Variants in JMJD1C observed in about 807,000 individuals in gnomAD.
The protein encoded by JMJD1C is jumonji domain containing 1C, also known as jumonji domain-containing protein 1C.
In JMJD1C, 31 loss-of-function variants were observed where a neutral mutation model predicts 245.3. The ratio of observed to expected loss-of-function variants is 0.13; its 90% confidence interval spans 0.09 to 0.17. The LOEUF (loss-of-function observed/expected upper bound fraction) is 0.17, where lower values mean the gene tolerates loss of function less well. Among genes scored for constraint, JMJD1C ranks in the 10% least tolerant of loss-of-function variants. The probability of loss-of-function intolerance (pLI) is 1.00; values close to 1 mark genes in which losing one functional copy is unlikely to be tolerated. For missense variants in JMJD1C, 2,691 were observed against 3,000.2 expected, an observed-to-expected ratio of 0.90 and a Z score of 2.41; for synonymous variants, 1,057 against 1,017.4, an observed-to-expected ratio of 1.04 and a Z score of -0.74.
intron 17 of JMJD1C, 95 bp from the exon 18 acceptor site, chr10:63,189,541 C>A: frequency 1.0e-6 from 1 of 968,372 alleles, no homozygotes; most frequent in East Asian, 2.5e-5. Context: ...AACAATATCC[C>A]TACACTCCAC....
intron 1 of JMJD1C, among the ~76,000 whole-genome samples, chr10:63,399,957 C>T (rs1461065561): frequency 6.6e-6 from 1 of 151,812 alleles, no homozygotes; most frequent in Non-Finnish European, 1.5e-5. Context: ...AAAGTAGAAA[C>T]ATAGATATAC....
chr10:63,217,253 G>A lies in JMJD1C; in HGVS notation c.632C>T (p.Thr211Ile), dbSNP rs1469720898. The A allele has an allele frequency of 5.6e-6, 9 of 1,611,638 alleles. No homozygotes were observed. The highest frequency in any genetic ancestry group is 7.6e-6 in the Non-Finnish European group (9 of 1,178,408). The change falls in exon 5 of 26, where the codon ACT (threonine) becomes ATT (isoleucine). Residue 211 changes from threonine to isoleucine, a missense_variant. Physicochemically the swap from Thr to Ile is moderately conservative, Grantham distance 89 (BLOSUM62 -1). This residue lies in a region of JMJD1C where 172 missense variants were observed against 240.8 expected (regional missense o/e 0.71). Coordinates refer to ENST00000399262, the MANE Select transcript of JMJD1C (RefSeq NM_032776.3). ...SATQWFTGII[T>I]HHDLFTRTMI... is the part of the protein sequence containing the mutation. ...GGTGCGGGTGAAGAGATCATGATGA[G>A]TAATTATGCCAGTAAACCACTGGGT...
chr10:63,189,363 T>G lies in JMJD1C; in HGVS notation c.6375A>C (p.Lys2125Asn), dbSNP rs1411060924. ...SVVENKIPPS[K>N]TSKINVKPEL... Reference sequence around the variant, plus strand: ...CTGGTTTTACATTTATCTTGGAGGTTTTACTTGGTGGAATTTTGTTTTCAA... The same window carrying G: ...CTGGTTTTACATTTATCTTGGAGGTGTTACTTGGTGGAATTTTGTTTTCAA... The change falls in exon 18 of 26, where the codon AAA becomes AAC. Residue 2125 changes from lysine (K) to asparagine (N), a missense_variant. This residue lies in a region of JMJD1C where 275 missense variants were observed against 285.5 expected (regional missense o/e 0.96). Coordinates refer to ENST00000399262, the MANE Select transcript of JMJD1C (RefSeq NM_032776.3). 6.2e-7 allele frequency: 1 copy of G among 1,613,864 alleles called. No individual in the cohort carries two copies. The highest frequency in any genetic ancestry group is 8.5e-7 in the Non-Finnish European group (1 of 1,179,900).
intron 1 of JMJD1C, among the ~76,000 whole-genome samples, chr10:63,384,366 C>A (rs7093339): frequency 6.6e-6 from 1 of 152,164 alleles, no homozygotes; most frequent in Non-Finnish European, 1.5e-5. Context: ...AGAGGAATCA[C>A]TATCTCTGGC....
At chr10:63,391,426 T>C (rs952271806) in intron 1 of JMJD1C, among the ~76,000 whole-genome samples, 1 of 151,830 alleles carries the variant, frequency 6.6e-6, no homozygotes, top group Non-Finnish European at 1.5e-5. Flanking sequence ...AGGAGAATGG[T>C]GTGAACTCGG....
chr10:63,217,276 G>C lies in JMJD1C; in HGVS notation c.609C>G (p.Thr203=), dbSNP rs779141014. 5.6e-6 allele frequency: 9 copies of C among 1,611,120 alleles called. No individual in the cohort carries two copies. The highest frequency in any genetic ancestry group is 7.6e-6 in the Non-Finnish European group (9 of 1,177,816). ...GAGTAATTATGCCAGTAAACCACTGGGTGGCAGAGTCTTGTCTATATACTC... is the reference window on the plus strand; with the variant it reads ...GAGTAATTATGCCAGTAAACCACTGCGTGGCAGAGTCTTGTCTATATACTC... ...RVRVYRQDSA[T]QWFTGIITHH... Residue 203 remains threonine, a synonymous_variant, in exon 5 of 26, where the codon ACC becomes ACG. Coordinates refer to ENST00000399262, the MANE Select transcript of JMJD1C (RefSeq NM_032776.3).
intron 2 of JMJD1C, among the ~76,000 whole-genome samples, chr10:63,317,546 C>T (rs1940245065): frequency 6.6e-6 from 1 of 152,144 alleles, no homozygotes; most frequent in Non-Finnish European, 1.5e-5. Flanking sequence ...TACACACACA[C>T]ACACACAATC....
At chr10:63,258,372 TG>T (rs1215241929) in intron 3 of JMJD1C, among the ~76,000 whole-genome samples, 1 of 152,230 alleles carries the variant, frequency 6.6e-6, no homozygotes, top group Non-Finnish European at 1.5e-5. Context: ...ATCAATTAGC[TG>T]CTTCTGATAT....
At chr10:63,448,023 T>C (rs2132987644) in intron 1 of JMJD1C, among the ~76,000 whole-genome samples, 1 of 152,300 alleles carries the variant, frequency 6.6e-6, no homozygotes, top group South Asian at 2.1e-4. Flanking sequence ...CCAAGGTTAT[T>C]GCTTTTGTCC....
chr10:63,197,105 G>A (rs994489039), intron 13 of JMJD1C, among the ~76,000 whole-genome samples: 2 of 151,906 alleles, frequency 1.3e-5, no homozygotes, highest in Non-Finnish European at 2.9e-5. Flanking sequence ...CACAGTGCCC[G>A]GCCCACACAC....
intron 2 of JMJD1C, among the ~76,000 whole-genome samples, chr10:63,269,639 T>C (rs1325719394): frequency 2.0e-5 from 3 of 152,188 alleles, no homozygotes; most frequent in Non-Finnish European, 4.4e-5. Context: ...AATAAATCAA[T>C]TTAAAATATT....
At chr10:63,365,848 GGT>G (rs2134394304) in intron 2 of JMJD1C, among the ~76,000 whole-genome samples, 1 of 152,284 alleles carries the variant, frequency 6.6e-6, no homozygotes, top group South Asian at 2.1e-4. Flanking sequence ...TATTGAAAGA[GGT>G]CTGGCTTCTG....
intron 12 of JMJD1C, 37 bp from the exon 13 acceptor site, chr10:63,197,600 C>T (rs771139341): frequency 6.8e-7 from 1 of 1,474,616 alleles, no homozygotes; most frequent in Non-Finnish European, 9.0e-7. Flanking sequence ...TAAAGGCAAA[C>T]ATGCTCTTTT....
At chr10:63,511,344 C>A (rs1245107979) in intron 1 of JMJD1C, among the ~76,000 whole-genome samples, 2 of 152,136 alleles carry the variant, frequency 1.3e-5, no homozygotes, top group Non-Finnish European at 2.9e-5. Context: ...ATACAGTTGA[C>A]CCTTAAACAA....
At position 63,209,053 on chromosome 10, in the gene JMJD1C, GT is replaced by G. The variant is rs1241054956; in HGVS notation, c.2867+9del. 4 of 1,597,956 alleles carry G rather than the reference GT, an allele frequency of 2.5e-6. No individual in the cohort carries two copies. The African/African-American group carries it at 5.4e-5, about 22-fold the overall frequency. ...AGGTATTTATAATTTTTAAGCACTG[GT>G]GAACTTACTCCTTATGATGATCTAC... On this transcript the variant is annotated intron_variant, in intron 9 of 25. Coordinates refer to ENST00000399262, the MANE Select transcript of JMJD1C (RefSeq NM_032776.3).
intron 1 of JMJD1C, among the ~76,000 whole-genome samples, chr10:63,413,658 A>G (rs1242712313): frequency 6.6e-6 from 1 of 152,236 alleles, no homozygotes; most frequent in South Asian, 2.1e-4. Flanking sequence ...AGATAATGAA[A>G]AAGTATTTTT....
Position 63,465,443 on chromosome 10 carries a change from G to GAGAGCC in JMJD1C, c.168+46_168+51dup, listed in dbSNP as rs1157735020. ...AGGGAAGCCTGCAAGGTACGTCTGC[G>GAGAGCC]AGAGCCGGGTGCGGGCGCGGCAGGG... On this transcript the variant is annotated intron_variant, in intron 1 of 25. Transcript: ENST00000399262. 4.0e-6 allele frequency: 6 copies of GAGAGCC among 1,510,918 alleles called. No individual in the cohort carries two copies. In the African/African-American group the frequency reaches 6.8e-5, roughly 17 times the overall value. 93.6% of individuals were successfully genotyped at this position (1,510,918 alleles called of 1,614,324 possible).
intron 1 of JMJD1C, among the ~76,000 whole-genome samples, chr10:63,401,031 G>C (rs1321916577): frequency 6.6e-6 from 1 of 151,950 alleles, no homozygotes; most frequent in African/African-American, 2.4e-5. Context: ...GCTAATTTTT[G>C]TATTTTTAGT....
At position 63,465,617 on chromosome 10, in the gene JMJD1C, A is replaced by C; in HGVS notation, c.46T>G (p.Cys16Gly). The change falls in exon 1 of 26, where the codon TGT becomes GGT. Residue 16 changes from cysteine to glycine, a missense_variant. Coordinates refer to ENST00000399262, the MANE Select transcript of JMJD1C (RefSeq NM_032776.3). ...CGTGCCTCGTCGCCGACCGCCACAC[A>C]CAGGAACCGCTTACCCACCAGCTCT... ...RAELVGKRFL[C>G]VAVGDEARSE... The C allele has an allele frequency of 6.2e-7, 1 of 1,609,980 alleles. No homozygotes were observed. The highest frequency in any genetic ancestry group is 8.5e-7 in the Non-Finnish European group (1 of 1,179,848).
Sources: gnomAD v4.1 joint callset for allele counts (sites outside exome capture counted in the v4.1 genomes callset) on GRCh38, gnomAD v4.1.1 for gene constraint, gnomAD v4.1.1 regional missense constraint, MANE v1.5 for transcripts, NCBI Gene and HGNC (gene_info 2026-07-23, HGNC 2026-07-21) for gene names.